KAZN: variants seen among roughly 807,000 people sequenced by gnomAD.
The protein encoded by KAZN is kazrin.
Under a neutral mutation model 87.4 loss-of-function variants are expected in KAZN, and 40 were observed. The observed-to-expected ratio is 0.46, with a 90% CI of 0.36 to 0.60. The LOEUF (loss-of-function observed/expected upper bound fraction) is 0.60. Ranked by LOEUF, KAZN falls within the 20% of genes least tolerant of loss-of-function variation. The pLI is 0.00. For missense variants in KAZN, 898 were observed against 1,073.9 expected (o/e 0.84, Z 2.29); for synonymous variants, 466 against 458.3 (o/e 1.02, Z -0.22).
At chr1:15,029,089 T>A (rs1446856061) in intron 2 of KAZN, among the ~76,000 whole-genome samples, 1 of 152,226 alleles carries the variant, frequency 6.6e-6, no homozygotes, top group East Asian at 1.9e-4. Flanking sequence ...TGTGTGCATC[T>A]TAATGGCCAG....
chr1:14,412,196 C>A (rs980841361), intron 2 of KAZN, among the ~76,000 whole-genome samples: 1 of 152,118 alleles, frequency 6.6e-6, no homozygotes, highest in Non-Finnish European at 1.5e-5. Context: ...TGCATCAGGG[C>A]ATAAATCTAA....
intron 2 of KAZN, among the ~76,000 whole-genome samples, chr1:14,993,293 C>T (rs1667534947): frequency 6.6e-6 from 1 of 151,586 alleles, no homozygotes; most frequent in Non-Finnish European, 1.5e-5. Context: ...CATGGCGAAA[C>T]ACTGTCTCTA....
At chr1:14,180,322 C>G in intron 1 of KAZN, 1 of 834,464 alleles carries the variant, frequency 1.2e-6, no homozygotes, top group South Asian at 1.9e-5. Context: ...TTGATACATG[C>G]CTGGCTTAGA....
At chr1:14,298,183 C>A (rs1255972276) in intron 2 of KAZN, among the ~76,000 whole-genome samples, 1 of 152,182 alleles carries the variant, frequency 6.6e-6, no homozygotes, top group Non-Finnish European at 1.5e-5. Flanking sequence ...CATGTTCATG[C>A]TACTGCACTC....
chr1:14,028,639 A>AG (rs1641189901), intron 1 of KAZN, among the ~76,000 whole-genome samples: 1 of 152,204 alleles, frequency 6.6e-6, no homozygotes, highest in Admixed American at 6.5e-5. Flanking sequence ...TCATTTATGA[A>AG]GACCTCTTTT....
rs189202186 is a variant in KAZN, at chr1:15,101,507, C to G, written c.1548-36C>G. 4.1e-4 allele frequency: 600 copies of G among 1,446,276 alleles called. 3 individuals are homozygous for G. The African/African-American group carries it at 7.3e-3, about 18-fold the overall frequency. 89.6% of individuals were successfully genotyped at this position (1,446,276 alleles called of 1,614,324 possible). A position where few individuals can be genotyped will look rare whatever the true frequency, so the allele number is the denominator to read the frequency against. On this transcript the variant is annotated intron_variant, in intron 10 of 14. Transcript: ENST00000376030. ...GTCCGTCTGTTTCTGCCGCCTTTCC[C>G]CACCCATCCACTCTCTGGCTATGTC... is the stretch of plus-strand genomic sequence containing the variant.
chr1:14,079,563 A>G (rs1025971990), intron 1 of KAZN, among the ~76,000 whole-genome samples: 1 of 152,230 alleles, frequency 6.6e-6, no homozygotes, highest in African/African-American at 2.4e-5. Flanking sequence ...GAGGATTACT[A>G]TATTTTGTAA....
At chr1:14,448,177 A>G (rs1160223183) in intron 2 of KAZN, among the ~76,000 whole-genome samples, 3 of 152,022 alleles carry the variant, frequency 2.0e-5, no homozygotes, top group Non-Finnish European at 4.4e-5. Context: ...TTCATACAAC[A>G]CTCCATCTTA....
At chr1:14,655,278 C>T (rs1297567473) in intron 1 of KAZN, among the ~76,000 whole-genome samples, 1 of 152,172 alleles carries the variant, frequency 6.6e-6, no homozygotes, top group African/African-American at 2.4e-5. Flanking sequence ...GAACCCACCT[C>T]CTCTGCTCTT....
rs183658379 is a variant in KAZN, at chr1:14,952,311, C to T, written c.227-8373C>T. 1.4e-3 allele frequency among the ~76,000 whole-genome samples: 210 copies of T among 151,424 alleles called. 1 individual carries two copies. The highest frequency in any genetic ancestry group is 5.0e-3 in the African/African-American group (203 of 40,968). ...AACACACTAGTGTTTCCTGGTCACA[C>T]AGACCCCTCGCTATCCACAAAGCCA... On this transcript the variant is annotated intron_variant, in intron 1 of 14. Coordinates refer to ENST00000376030, the MANE Select transcript of KAZN (RefSeq NM_201628.3).
chr1:13,920,640 G>T (rs778144039), intron 1 of KAZN, among the ~76,000 whole-genome samples: 1 of 152,198 alleles, frequency 6.6e-6, no homozygotes, highest in Non-Finnish European at 1.5e-5. Flanking sequence ...ATATTTAAGG[G>T]TTTAGGGAGG....
At chr1:14,034,548 G>T (rs1016507317) in intron 1 of KAZN, among the ~76,000 whole-genome samples, 1 of 152,324 alleles carries the variant, frequency 6.6e-6, no homozygotes, top group South Asian at 2.1e-4. Context: ...AAGTGAACAA[G>T]GCGTTTGCCA....
intron 2 of KAZN, among the ~76,000 whole-genome samples, chr1:14,542,806 G>T (rs757100498): frequency 1.3e-5 from 2 of 152,144 alleles, no homozygotes; most frequent in African/African-American, 2.4e-5. Flanking sequence ...GACTCACCCC[G>T]GGCAAGCGGG....
At chr1:14,420,548 C>A (rs1376193778) in intron 2 of KAZN, among the ~76,000 whole-genome samples, 4 of 152,200 alleles carry the variant, frequency 2.6e-5, no homozygotes, top group Non-Finnish European at 5.9e-5. Context: ...TGCCGCGGAG[C>A]AAGGGGTGCG....
At chr1:14,036,358 A>AT (rs1641558267) in intron 1 of KAZN, among the ~76,000 whole-genome samples, 1 of 152,194 alleles carries the variant, frequency 6.6e-6, no homozygotes, top group Admixed American at 6.5e-5. Flanking sequence ...AATTCAGGCA[A>AT]TGCCTCAGTG....
intron 1 of KAZN, among the ~76,000 whole-genome samples, chr1:14,809,257 G>A (rs1269703018): frequency 6.6e-6 from 1 of 152,220 alleles, no homozygotes; most frequent in East Asian, 1.9e-4. Context: ...CCGGGAAGCG[G>A]TCATCAGTGC....
chr1:14,511,321 A>C (rs1425980068), intron 2 of KAZN, among the ~76,000 whole-genome samples: 1 of 152,214 alleles, frequency 6.6e-6, no homozygotes, highest in African/African-American at 2.4e-5. Context: ...GGGCTTAACT[A>C]AGAGAGACAC....
chr1:14,783,631 G>A (rs758622665), intron 1 of KAZN, among the ~76,000 whole-genome samples: 4 of 152,172 alleles, frequency 2.6e-5, no homozygotes, highest in South Asian at 2.1e-4. Flanking sequence ...CACTGCTGTC[G>A]ATCTTAGCCA....
intron 1 of KAZN, among the ~76,000 whole-genome samples, chr1:14,959,446 A>C (rs79294332): frequency 0.012 from 1,785 of 152,158 alleles, 22 homozygotes; most frequent in South Asian, 0.044. Flanking sequence ...GGATGTAGGC[A>C]GAGGCCTGGC....
Sources: gnomAD v4.1 joint callset for allele counts (sites outside exome capture counted in the v4.1 genomes callset) on GRCh38, gnomAD v4.1.1 for gene constraint, MANE v1.5 for transcripts, NCBI Gene and HGNC (gene_info 2026-07-23, HGNC 2026-07-21) for gene names.